OSBPL10: variants seen among roughly 807,000 people sequenced by gnomAD.
The protein encoded by OSBPL10 is oxysterol-binding protein-related protein 10.
OSBPL10 carries 49 observed loss-of-function variants against 81.7 expected under a neutral mutation model. The observed-to-expected ratio is 0.60, with a 90% confidence interval of 0.48 to 0.76. The LOEUF is 0.76. Among genes scored for constraint, OSBPL10 ranks in the 30% least tolerant of loss-of-function variants. The probability of loss-of-function intolerance (pLI) is 0.00; values close to 1 mark genes in which losing one functional copy is unlikely to be tolerated. For synonymous variants in OSBPL10, 419 were observed against 383.6 expected, an observed-to-expected ratio of 1.09 and a Z score of -1.08; for missense variants, 923 against 987.8, an observed-to-expected ratio of 0.93 and a Z score of 0.88.
intron 3 of OSBPL10, among the ~76,000 whole-genome samples, chr3:31,850,994 T>A (rs1055297949): frequency 1.3e-5 from 2 of 152,148 alleles, no homozygotes; most frequent in East Asian, 3.8e-4. Context: ...GAGGAAAGCA[T>A]GAACAACATG....
At chr3:32,069,485 C>T (rs1412006798) in intron 1 of OSBPL10, among the ~76,000 whole-genome samples, 1 of 152,180 alleles carries the variant, frequency 6.6e-6, no homozygotes, top group East Asian at 1.9e-4. Context: ...CTTAAAGAAA[C>T]TACCCAAGGT....
intron 5 of OSBPL10, 97 bp downstream of exon 5, chr3:31,747,813 C>T (rs1697572797): frequency 4.8e-6 from 6 of 1,254,632 alleles, no homozygotes; most frequent in Admixed American, 1.7e-5. Context: ...ATGGATGGAT[C>T]GTAGAGAAAT....
intron 1 of OSBPL10, among the ~76,000 whole-genome samples, chr3:31,896,980 G>T (rs972478094): frequency 9.9e-5 from 15 of 152,242 alleles, no homozygotes; most frequent in East Asian, 7.7e-4. Context: ...CCCCCTGGTA[G>T]AAAACTTAGG....
chr3:31,670,969 G>A lies in OSBPL10; in HGVS notation c.1741C>T (p.Leu581=). 6.2e-7 allele frequency: 1 copy of A among 1,612,704 alleles called. No individual in the cohort carries two copies. The highest frequency in any genetic ancestry group is 8.5e-7 in the Non-Finnish European group (1 of 1,179,218). The change falls in exon 9 of 12, where the codon CTG becomes TTG. Residue 581 remains leucine (L), a synonymous_variant. Coordinates refer to ENST00000396556, the MANE Select transcript of OSBPL10 (RefSeq NM_017784.5). ...AATACGTACTCCTCCCCGTGTTCCA[G>A]GAGCCTCAACACACCTCCAGGGAGA... ...SMIGEGVLRL[L]EHGEEYVFTL...
intron 1 of OSBPL10, among the ~76,000 whole-genome samples, chr3:31,898,289 CA>C (rs1458284124): frequency 3.9e-5 from 6 of 151,904 alleles, no homozygotes; most frequent in African/African-American, 1.4e-4. Flanking sequence ...TGCCTCACCA[CA>C]AAAAAAGATA....
intron 2 of OSBPL10, among the ~76,000 whole-genome samples, chr3:32,032,064 TTGC>T (rs1025825209): frequency 6.6e-6 from 1 of 152,072 alleles, no homozygotes; most frequent in African/African-American, 2.4e-5. Flanking sequence ...GGCAGGAGGA[TTGC>T]TGAAGCCCAG....
At chr3:31,794,691 AAG>A (rs1314334617) in intron 4 of OSBPL10, 1 of 301,412 alleles carries the variant, frequency 3.3e-6, no homozygotes, top group Non-Finnish European at 6.9e-6. Flanking sequence ...TTTCTATACA[AAG>A]AGAGTCTCAG....
At chr3:31,888,885 C>A (rs1042266471) in intron 1 of OSBPL10, among the ~76,000 whole-genome samples, 1 of 152,146 alleles carries the variant, frequency 6.6e-6, no homozygotes, top group Non-Finnish European at 1.5e-5. Context: ...GATCACGTCA[C>A]TGCACTCCAG....
At chr3:31,773,912 C>A (rs907767656) in intron 4 of OSBPL10, among the ~76,000 whole-genome samples, 1 of 152,072 alleles carries the variant, frequency 6.6e-6, no homozygotes, top group Non-Finnish European at 1.5e-5. Context: ...GCCTGTAATC[C>A]CAACACTTTG....
chr3:31,871,114 C>T (rs1002164730), intron 3 of OSBPL10, among the ~76,000 whole-genome samples: 1 of 151,574 alleles, frequency 6.6e-6, no homozygotes. Context: ...CAGTGGCAAC[C>T]CGTTCCCGTC....
rs1695509978 is a variant in OSBPL10, at chr3:31,879,939, T to G, written c.282-109A>C. 4 of 1,206,412 alleles carry G rather than the reference T, an allele frequency of 3.3e-6. No individual in the cohort carries two copies. The African/African-American group carries it at 6.2e-5, about 19-fold the overall frequency. 74.7% of individuals were successfully genotyped at this position (1,206,412 alleles called of 1,614,324 possible). A position where few individuals can be genotyped will look rare whatever the true frequency, so the allele number is the denominator to read the frequency against. ...AGTCAACATCAAGACTCCACATCCA[T>G]GAAGCTGGAAACCAAAAGTCCCTCC... is the stretch of plus-strand genomic sequence containing the variant. On this transcript the variant is annotated intron_variant, in intron 1 of 11. Coordinates refer to ENST00000396556, the MANE Select transcript of OSBPL10 (RefSeq NM_017784.5).
At chr3:31,786,916 C>A (rs1444052867) in intron 4 of OSBPL10, among the ~76,000 whole-genome samples, 1 of 152,166 alleles carries the variant, frequency 6.6e-6, no homozygotes, top group Non-Finnish European at 1.5e-5. Context: ...AGACACAGAT[C>A]TGAACCAGCG....
chr3:31,904,257 G>A lies in OSBPL10; in HGVS notation c.282-24427C>T, dbSNP rs544111534. 1.9e-3 allele frequency among the ~76,000 whole-genome samples: 289 copies of A among 152,234 alleles called. 2 individuals are homozygous for A. The highest frequency in any genetic ancestry group is 3.4e-3 in the Middle Eastern group (1 of 294). On this transcript the variant is annotated intron_variant, in intron 1 of 11. Coordinates refer to ENST00000396556, the MANE Select transcript of OSBPL10 (RefSeq NM_017784.5). ...GATCCCACGCCTCCCAGACTGGCAG[G>A]AAACCAGAGCCCTCAGCAGAGGCAT...
chr3:32,013,997 G>A (rs1400277105), intron 2 of OSBPL10, among the ~76,000 whole-genome samples: 1 of 152,172 alleles, frequency 6.6e-6, no homozygotes, highest in Non-Finnish European at 1.5e-5. Context: ...TGGATTCACA[G>A]CCGAATTCTA....
intron 4 of OSBPL10, among the ~76,000 whole-genome samples, chr3:31,814,972 T>C (rs894325466): frequency 2.6e-5 from 4 of 152,210 alleles, no homozygotes; most frequent in Non-Finnish European, 5.9e-5. Context: ...CCATAAAATA[T>C]GGCAGAAGTG....
At chr3:31,662,588 A>T (rs1023944279) in intron 11 of OSBPL10, 46 of 994,942 alleles carry the variant, frequency 4.6e-5, no homozygotes, top group Admixed American at 6.0e-5. Context: ...ATCAAATATC[A>T]AGTGAGAAAA....
chr3:31,987,950 A>T (rs1435582796), intron 2 of OSBPL10, among the ~76,000 whole-genome samples: 2 of 152,248 alleles, frequency 1.3e-5, no homozygotes, highest in East Asian at 3.8e-4. Context: ...GAGCAAACAC[A>T]TATTGCCTTT....
At chr3:32,026,288 C>T (rs902064255) in intron 2 of OSBPL10, among the ~76,000 whole-genome samples, 1 of 152,088 alleles carries the variant, frequency 6.6e-6, no homozygotes, top group African/African-American at 2.4e-5. Context: ...AGACATGAGC[C>T]ACCATGCCCA....
At chr3:31,782,373 T>G (rs924966300) in intron 4 of OSBPL10, among the ~76,000 whole-genome samples, 8 of 152,122 alleles carry the variant, frequency 5.3e-5, no homozygotes, top group African/African-American at 1.9e-4. Flanking sequence ...AGACATTAGC[T>G]TAGGCAAAGA....
Sources: gnomAD v4.1 joint callset for allele counts (sites outside exome capture counted in the v4.1 genomes callset) on GRCh38, gnomAD v4.1.1 for gene constraint, MANE v1.5 for transcripts, NCBI Gene and HGNC (gene_info 2026-07-23, HGNC 2026-07-21) for gene names.